DSCAM: variants seen among roughly 807,000 people sequenced by gnomAD.
DSCAM encodes the protein cell adhesion molecule DSCAM.
A neutral mutation model predicts 217.7 loss-of-function variants in DSCAM; 47 were observed. The ratio of observed to expected loss-of-function variants is 0.22; its 90% CI spans 0.17 to 0.28. The LOEUF (loss-of-function observed/expected upper bound fraction) is 0.28, where lower values mean the gene tolerates loss of function less well. Among genes scored for constraint, DSCAM ranks in the 10% least tolerant of loss-of-function variants. The probability of loss-of-function intolerance (pLI) is 1.00; values close to 1 mark genes in which losing one functional copy is unlikely to be tolerated. For missense variants in DSCAM, 2,080 were observed against 2,618.3 expected (o/e 0.79, Z 4.49); for synonymous variants, 1,056 against 1,015.3 (o/e 1.04, Z -0.76).
At chr21:40,524,152 T>G (rs2076381990) in intron 3 of DSCAM, among the ~76,000 whole-genome samples, 1 of 148,914 alleles carries the variant, frequency 6.7e-6, no homozygotes, top group South Asian at 2.3e-4. Flanking sequence ...AACAACCAGA[T>G]CTCATGAGAG....
chr21:40,619,550 G>A (rs2089451375), intron 3 of DSCAM, among the ~76,000 whole-genome samples: 1 of 152,062 alleles, frequency 6.6e-6, no homozygotes, highest in Non-Finnish European at 1.5e-5. Context: ...GTTAATTCAT[G>A]AAAAAGAAAG....
intron 3 of DSCAM, among the ~76,000 whole-genome samples, chr21:40,457,170 A>G (rs2075770464): frequency 6.6e-6 from 1 of 152,198 alleles, no homozygotes; most frequent in Non-Finnish European, 1.5e-5. Flanking sequence ...AGAATACTTT[A>G]TAATTTCATC....
chr21:40,089,555 GTCC>G (rs1399309454), intron 21 of DSCAM, among the ~76,000 whole-genome samples: 6 of 152,180 alleles, frequency 3.9e-5, no homozygotes, highest in African/African-American at 1.4e-4. Context: ...AAAAGCAGTG[GTCC>G]TCCTCTTCTT....
At chr21:40,334,630 T>C (rs1019640642) in intron 8 of DSCAM, among the ~76,000 whole-genome samples, 1 of 152,114 alleles carries the variant, frequency 6.6e-6, no homozygotes, top group African/African-American at 2.4e-5. Flanking sequence ...AGGAATCAGA[T>C]GCGTCCTTCT....
chr21:40,470,870 T>C (rs78248981), intron 3 of DSCAM, among the ~76,000 whole-genome samples: 3,358 of 152,318 alleles, frequency 0.022, 127 homozygotes, highest in African/African-American at 0.076. Context: ...TAAAAATTAC[T>C]ATTATTATGG....
In DSCAM at chr21:40,037,352, A is replaced by G. The variant is rs577856631; in HGVS notation, c.5686+5019T>C. On this transcript the variant is annotated intron_variant, in intron 32 of 32. Coordinates refer to ENST00000400454, the MANE Select transcript of DSCAM (RefSeq NM_001389.5). The stretch of plus-strand genomic sequence containing the variant: ...ACAAAATCAATGTACAAAAGTCACA[A>G]GCATTCTTATACACCAATAACAGAC... Among the ~76,000 whole-genome samples the G allele has an allele frequency of 3.2e-4, 48 of 149,836 alleles. 2 individuals are homozygous for G. Among genetic ancestry groups the G allele is most frequent in the African/African-American group, 1.1e-3 (42 of 39,424 alleles).
At chr21:40,120,213 C>T (rs1313487310) in intron 20 of DSCAM, among the ~76,000 whole-genome samples, 1 of 152,204 alleles carries the variant, frequency 6.6e-6, no homozygotes, top group Non-Finnish European at 1.5e-5. Context: ...TGTACAGGAA[C>T]TGAATAACAT....
At chr21:40,403,832 T>C (rs1281806015) in intron 3 of DSCAM, among the ~76,000 whole-genome samples, 1 of 152,176 alleles carries the variant, frequency 6.6e-6, no homozygotes, top group Non-Finnish European at 1.5e-5. Flanking sequence ...AATGTGCCTG[T>C]GACAAGCATA....
At chr21:40,508,734 AAT>A (rs760072956) in intron 3 of DSCAM, among the ~76,000 whole-genome samples, 106 of 45,848 alleles carry the variant, frequency 2.3e-3, no homozygotes, top group Non-Finnish European at 3.3e-3. Flanking sequence ...ACACCCGGCA[AAT>A]ATATATATAT....
chr21:40,058,163 C>T (rs1242743608), intron 28 of DSCAM, among the ~76,000 whole-genome samples: 7 of 152,078 alleles, frequency 4.6e-5, no homozygotes, highest in East Asian at 3.9e-4. Flanking sequence ...TGAGCCACTG[C>T]GCCTGGCCGG....
intron 9 of DSCAM, among the ~76,000 whole-genome samples, chr21:40,296,831 CAAAAAAAAAAA>C (rs58219836): frequency 3.7e-5 from 2 of 53,806 alleles, no homozygotes; most frequent in African/African-American, 1.2e-4. Context: ...AACTCCATCT[CAAAAAAAAAAA>C]AAAAAAAAAA....
At chr21:40,474,771 C>A (rs747964857) in intron 3 of DSCAM, among the ~76,000 whole-genome samples, 2 of 152,168 alleles carry the variant, frequency 1.3e-5, no homozygotes, top group Non-Finnish European at 2.9e-5. Context: ...CAGGCGAGTG[C>A]GTGCGTTCTG....
chr21:40,376,654 C>CTATATATCATATATATCA (rs2074964634), intron 3 of DSCAM, among the ~76,000 whole-genome samples: 17 of 143,498 alleles, frequency 1.2e-4, no homozygotes, highest in Middle Eastern at 3.8e-3. Flanking sequence ...ATATCGATAT[C>CTATATATCATATATATCA]TATATATCTT....
rs146662068 is a variant in DSCAM at position 40,690,899 on chromosome 21, T to C, written c.508+1911A>G. 2.6e-3 allele frequency among the ~76,000 whole-genome samples: 398 copies of C among 152,086 alleles called. 2 individuals are homozygous for C. Among genetic ancestry groups the C allele is most frequent in the African/African-American group, 8.6e-3 (357 of 41,466 alleles). ...TGAATGATGAGAACACAGGGACACA[T>C]AGAGAAGAACAACACACACTGGGGC... is the stretch of plus-strand genomic sequence containing the variant. On this transcript the variant is annotated intron_variant, in intron 3 of 32. Transcript: ENST00000400454.
intron 25 of DSCAM, 65 bp from the exon 26 acceptor site, chr21:40,079,042 G>A (rs1396061629): frequency 8.4e-6 from 13 of 1,554,400 alleles, no homozygotes; most frequent in Admixed American, 5.4e-5. Flanking sequence ...GCATCTTCAC[G>A]CATTTCCCTC....
chr21:40,338,866 AT>A (rs1395307105), intron 7 of DSCAM, among the ~76,000 whole-genome samples: 1 of 152,234 alleles, frequency 6.6e-6, no homozygotes, highest in African/African-American at 2.4e-5. Context: ...CATGCAGAGC[AT>A]AAACCAGGAA....
intron 5 of DSCAM, among the ~76,000 whole-genome samples, chr21:40,352,800 G>A (rs1479292607): frequency 2.0e-5 from 3 of 152,186 alleles, no homozygotes; most frequent in African/African-American, 4.8e-5. Context: ...AATTGAGGGT[G>A]GTTGAGTAGA....
At chr21:40,092,467 A>C (rs981654759) in intron 21 of DSCAM, among the ~76,000 whole-genome samples, 5 of 152,196 alleles carry the variant, frequency 3.3e-5, no homozygotes, top group African/African-American at 1.2e-4. Context: ...TTATTAAATG[A>C]CTGGAGGACA....
intron 1 of DSCAM, among the ~76,000 whole-genome samples, chr21:40,794,749 A>C (rs978103291): frequency 2.0e-5 from 3 of 150,724 alleles, no homozygotes; most frequent in African/African-American, 7.3e-5. Flanking sequence ...CCCTTTTTCC[A>C]ATATCTCTGT....
Sources: gnomAD v4.1 joint callset for allele counts (sites outside exome capture counted in the v4.1 genomes callset) on GRCh38, gnomAD v4.1.1 for gene constraint, MANE v1.5 for transcripts, NCBI Gene and HGNC (gene_info 2026-07-23, HGNC 2026-07-21) for gene names.